Variants in SLCO2A1 observed in about 807,000 individuals in gnomAD.
The protein encoded by SLCO2A1 is solute carrier organic anion transporter family member 2A1, also known as matrin F/G 1.
Under a neutral mutation model 71.7 loss-of-function variants are expected in SLCO2A1, and 60 were observed. The ratio of observed to expected loss-of-function variants is 0.84; its 90% CI spans 0.68 to 1.04. SLCO2A1 has a LOEUF of 1.04. SLCO2A1 is among the 50% of genes least tolerant of loss of function. SLCO2A1 has a pLI of 0.00. For synonymous variants in SLCO2A1, 308 were observed against 326.7 expected (o/e 0.94, Z 0.62); for missense variants, 745 against 813.4 (o/e 0.92, Z 1.02).
At chr3:134,001,199 C>T in intron 1 of SLCO2A1, among the ~76,000 whole-genome samples, 1 of 151,944 alleles carries the variant, frequency 6.6e-6, no homozygotes, top group East Asian at 1.9e-4. Flanking sequence ...CTCACTGCAA[C>T]CTCTGCATTC....
At chr3:133,948,854 G>T (rs59416045) in intron 7 of SLCO2A1, 39 bp downstream of exon 7, 5 of 1,603,064 alleles carry the variant, frequency 3.1e-6, no homozygotes, top group Non-Finnish European at 4.3e-6. Context: ...CCCCTCCCCC[G>T]CACTGTGCCA....
At chr3:133,981,165 T>C (rs529944960) in intron 1 of SLCO2A1, among the ~76,000 whole-genome samples, 60 of 152,336 alleles carry the variant, frequency 3.9e-4, no homozygotes, top group Non-Finnish European at 5.4e-4. Flanking sequence ...CACCTGACGC[T>C]TGGCATGGAC....
chr3:133,986,285 T>C (rs1282480316), intron 1 of SLCO2A1, among the ~76,000 whole-genome samples: 4 of 152,064 alleles, frequency 2.6e-5, no homozygotes, highest in Non-Finnish European at 5.9e-5. Flanking sequence ...TTTTCAATCA[T>C]GAGCGTTGGC....
intron 3 of SLCO2A1, 29 bp downstream of exon 3, chr3:133,973,634 C>G: frequency 6.2e-7 from 1 of 1,611,440 alleles, no homozygotes; most frequent in Non-Finnish European, 8.5e-7. Context: ...ATTCCTTACC[C>G]CTTGAGGCAG....
At chr3:134,022,850 G>A (rs957054846) in intron 1 of SLCO2A1, among the ~76,000 whole-genome samples, 3 of 152,090 alleles carry the variant, frequency 2.0e-5, no homozygotes, top group Non-Finnish European at 4.4e-5. Flanking sequence ...CAGTAAAAAG[G>A]CACTAAGGAC....
At chr3:134,020,872 G>A (rs1027405221) in intron 1 of SLCO2A1, among the ~76,000 whole-genome samples, 2 of 151,702 alleles carry the variant, frequency 1.3e-5, no homozygotes, top group African/African-American at 4.9e-5. Context: ...CTCCATTTGA[G>A]TGGAAGCTTG....
At chr3:134,015,346 C>A (rs913170248) in intron 1 of SLCO2A1, among the ~76,000 whole-genome samples, 5 of 140,202 alleles carry the variant, frequency 3.6e-5, no homozygotes, top group African/African-American at 1.3e-4. Context: ...CACAGAAAGA[C>A]AAATACCTCA....
chr3:133,976,926 CA>C (rs1294313175), intron 2 of SLCO2A1, among the ~76,000 whole-genome samples: 1 of 152,186 alleles, frequency 6.6e-6, no homozygotes, highest in East Asian at 1.9e-4. Flanking sequence ...CTTTTACGCC[CA>C]GCCTGTCAAA....
chr3:133,935,973 T>G (rs1430744053), intron 12 of SLCO2A1, 76 bp from the exon 13 acceptor site: 13 of 1,401,816 alleles, frequency 9.3e-6, no homozygotes, highest in Non-Finnish European at 1.1e-5. Context: ...GGGAGCCAAG[T>G]CCCCGACACA....
intron 1 of SLCO2A1, among the ~76,000 whole-genome samples, chr3:134,025,748 A>C (rs375150751): frequency 1.3e-5 from 2 of 152,308 alleles, no homozygotes; most frequent in South Asian, 2.1e-4. Context: ...CCTTAGAGCT[A>C]GTAATAACCA....
intron 2 of SLCO2A1, among the ~76,000 whole-genome samples, chr3:133,977,040 G>T (rs4574290): frequency 0.13 from 20,300 of 152,014 alleles, 1,719 homozygotes; most frequent in East Asian, 0.41. Flanking sequence ...TCCACCACCC[G>T]GGCAGCCTCA....
intron 6 of SLCO2A1, among the ~76,000 whole-genome samples, chr3:133,950,091 G>T (rs1933700971): frequency 6.6e-6 from 1 of 151,502 alleles, no homozygotes; most frequent in East Asian, 2.0e-4. Flanking sequence ...ATCTCAACCT[G>T]GGCTCAAGCA....
chr3:133,953,238 C>T (rs925883325), intron 5 of SLCO2A1, among the ~76,000 whole-genome samples: 1 of 152,160 alleles, frequency 6.6e-6, no homozygotes, highest in Non-Finnish European at 1.5e-5. Flanking sequence ...GGGGTTTCAC[C>T]GTGTTAGCCA....
chr3:134,005,602 C>T (rs1935196897), intron 1 of SLCO2A1, among the ~76,000 whole-genome samples: 1 of 151,730 alleles, frequency 6.6e-6, no homozygotes, highest in African/African-American at 2.4e-5. Context: ...CTGTCTCAGC[C>T]TCCCGAGTAG....
At chr3:133,953,527 G>T in intron 5 of SLCO2A1, 136 bp downstream of exon 5, 1 of 676,330 alleles carries the variant, frequency 1.5e-6, no homozygotes, top group East Asian at 2.7e-5. Context: ...GGGACTGCAG[G>T]GATGAGTGAG....
intron 1 of SLCO2A1, among the ~76,000 whole-genome samples, chr3:133,997,470 C>T (rs1934992585): frequency 1.3e-5 from 2 of 152,200 alleles, no homozygotes; most frequent in South Asian, 4.1e-4. Context: ...GCCTGGCATT[C>T]TTACAAAAAG....
chr3:134,014,201 G>C (rs939691256), intron 1 of SLCO2A1, among the ~76,000 whole-genome samples: 2 of 152,200 alleles, frequency 1.3e-5, no homozygotes, highest in African/African-American at 4.8e-5. Context: ...GGTCTGCCCT[G>C]TTCGGGGGTG....
Position 133,973,963 on chromosome 3 carries a change from T to C in SLCO2A1, c.235-138A>G, listed in dbSNP as rs541466920. ...AGTGTCAGCTGGGGCCCAGACAGAG[T>C]TACAGTGTCAGCTTTTCCCAGAGAG... is the stretch of plus-strand genomic sequence containing the variant. On this transcript the variant is annotated intron_variant, in intron 2 of 13. Coordinates refer to ENST00000310926, the MANE Select transcript of SLCO2A1 (RefSeq NM_005630.3). The C allele has an allele frequency of 3.4e-6, 3 of 890,388 alleles. No individual in the cohort carries two copies. In the African/African-American group the frequency reaches 5.1e-5, roughly 15 times the overall value. The allele number at this position is 890,388 out of a possible 1,614,324, so 55.2% of individuals were successfully genotyped here.
At chr3:133,990,085 C>T (rs981187186) in intron 1 of SLCO2A1, among the ~76,000 whole-genome samples, 1 of 152,250 alleles carries the variant, frequency 6.6e-6, no homozygotes, top group Non-Finnish European at 1.5e-5. Flanking sequence ...CCTTCTGCCA[C>T]GTTCGCCAAT....
Sources: gnomAD v4.1 joint callset for allele counts (sites outside exome capture counted in the v4.1 genomes callset) on GRCh38, gnomAD v4.1.1 for gene constraint, MANE v1.5 for transcripts, NCBI Gene and HGNC (gene_info 2026-07-23, HGNC 2026-07-21) for gene names.